Variants in EPPK1 observed in about 807,000 individuals in gnomAD.
EPPK1 encodes the protein epiplakin.
For synonymous variants in EPPK1, 1,862 were observed against 1,721.2 expected (o/e 1.08, Z -2.03); for missense variants, 3,823 against 3,673.3 (o/e 1.04, Z -1.05).
At position 143,871,630 on chromosome 8, in the gene EPPK1, C is replaced by T. The variant is rs781933116; in HGVS notation, c.1624G>A (p.Ala542Thr). 25 of 1,604,074 alleles carry T rather than the reference C, an allele frequency of 1.6e-5. No individual in the cohort carries two copies. In the South Asian group the frequency reaches 2.1e-4, roughly 14 times the overall value. ...QEGTLSVEKL[A>T]AKLSATLEQA... Reference sequence around the variant, plus strand: ...TCGAGGGTGGCGCTCAGCTTAGCGGCCAGCTTCTCCACGGAGAGGGTCCCT... The same window carrying T: ...TCGAGGGTGGCGCTCAGCTTAGCGGTCAGCTTCTCCACGGAGAGGGTCCCT... Residue 542 changes from alanine (A) to threonine (T), a missense_variant, in exon 2 of 2, where the codon GCC (alanine) becomes ACC (threonine). Physicochemically the swap from Ala to Thr is moderately conservative, Grantham distance 58. Coordinates refer to ENST00000615648, the MANE Select transcript of EPPK1 (RefSeq NM_031308.4).
chr8:143,871,295 G>C lies in EPPK1; in HGVS notation c.1959C>G (p.Ile653Met). The C allele has an allele frequency of 6.2e-7, 1 of 1,612,622 alleles. No homozygotes were observed. ...GCCCCTTGTTTGCTTTTGGGTCGAT[G>C]ATGAAGCCTGTGGCAGCTTGTGCCT... is the stretch of plus-strand genomic sequence containing the variant. ...LLEAQAATGF[I>M]IDPKANKGHS... is the part of the protein sequence containing the mutation. Residue 653 changes from isoleucine to methionine, a missense_variant, in exon 2 of 2, where the codon ATC (isoleucine) becomes ATG (methionine). Transcript: ENST00000615648.
In EPPK1 at chr8:143,872,884, C is replaced by G. The variant is rs1819403171; in HGVS notation, c.370G>C (p.Asp124His). The change falls in exon 2 of 2, where the codon GAC becomes CAC. Residue 124 changes from aspartate to histidine, a missense_variant. Transcript: ENST00000615648. ...GCCAGCTTCTCACCGCCGTAGGGGT[C>G]AGGATAGCCCGTAGTGGCACGCTCA... Reference protein sequence around the residue: ...AAERATTGYPDPYGGEKLALF... With the variant: ...AAERATTGYPHPYGGEKLALF... The G allele has an allele frequency of 6.3e-7, 1 of 1,598,246 alleles. No homozygotes were observed. Among genetic ancestry groups the G allele is most frequent in the Non-Finnish European group, 8.5e-7 (1 of 1,172,384 alleles).
Position 143,868,764 on chromosome 8 carries a change from G to T in EPPK1, c.4490C>A (p.Ala1497Asp), listed in dbSNP as rs964881215. 1 of 1,592,650 alleles carries T rather than the reference G, an allele frequency of 6.3e-7. No individual in the cohort carries two copies. Among genetic ancestry groups the T allele is most frequent in the Non-Finnish European group, 8.5e-7 (1 of 1,174,700 alleles). ...VALCRSGRAA[A>D]LRQVVSAVTT... Reference sequence around the variant, plus strand: ...GACTGCGCTGACCACCTGCCGCAGGGCCGCAGCCCTCCCAGACCGACAGAG... The same window carrying T: ...GACTGCGCTGACCACCTGCCGCAGGTCCGCAGCCCTCCCAGACCGACAGAG... Residue 1497 changes from alanine (A) to aspartate (D), a missense_variant, in exon 2 of 2, where the codon GCC becomes GAC. Physicochemically the swap from Ala to Asp is moderately radical, Grantham distance 126. Coordinates refer to ENST00000615648, the MANE Select transcript of EPPK1 (RefSeq NM_031308.4).
chr8:143,874,024 T>C (rs1455621793), intron 1 of EPPK1, among the ~76,000 whole-genome samples: 2 of 152,180 alleles, frequency 1.3e-5, no homozygotes, highest in Non-Finnish European at 2.9e-5. Context: ...GCCTCTGGGC[T>C]ATTGCCCCTC....
At chr8:143,876,761 G>C (rs553574087) in intron 1 of EPPK1, among the ~76,000 whole-genome samples, 1 of 152,364 alleles carries the variant, frequency 6.6e-6, no homozygotes, top group South Asian at 2.1e-4. Context: ...GGGCTTCTAG[G>C]GGGTCAGGGC....
Position 143,866,906 on chromosome 8 carries a change from TCTGAACCTTCCCA to T in EPPK1, c.6335_6347del (p.Val2112GlufsTer11). The T allele has an allele frequency of 6.2e-7, 1 of 1,613,120 alleles. No homozygotes were observed. Among genetic ancestry groups the T allele is most frequent in the Non-Finnish European group, 8.5e-7 (1 of 1,179,874 alleles). On this transcript the variant is annotated frameshift_variant, in exon 2 of 2. Transcript: ENST00000615648. LOFTEE classifies it low-confidence loss of function (END_TRUNC). ...GTGCCCACAGTGTTGGTTTCTGGCC[TCTGAACCTTCCCA>T]CTGTGATTTCCACTTGCTCTGCCTC...
At chr8:143,874,273 G>A (rs900831801) in intron 1 of EPPK1, among the ~76,000 whole-genome samples, 3 of 152,232 alleles carry the variant, frequency 2.0e-5, no homozygotes, top group African/African-American at 7.2e-5. Context: ...CCTCCACCCA[G>A]GCCTGTCCCC....
chr8:143,866,855 C>G lies in EPPK1; in HGVS notation c.6399G>C (p.Glu2133Asp). 6.2e-7 allele frequency: 1 copy of G among 1,613,358 alleles called. No homozygotes were observed. Among genetic ancestry groups the G allele is most frequent in the Non-Finnish European group, 8.5e-7 (1 of 1,179,868 alleles). ...TCCTCACCAGCTGGAGCTTCTTCTCCTCTGTCACGTATTCGGAATTCAGTA... is the reference window on the plus strand; with the variant it reads ...TCCTCACCAGCTGGAGCTTCTTCTCGTCTGTCACGTATTCGGAATTCAGTA... ...WALLNSEYVT[E>D]EKKLQLVRMY... Residue 2133 changes from glutamate (E) to aspartate (D), a missense_variant, in exon 2 of 2, where the codon GAG (glutamate) becomes GAC (aspartate). Glu to Asp is a conservative substitution (Grantham distance 45). Transcript: ENST00000615648.
In EPPK1 at chr8:143,871,466, C is replaced by T; in HGVS notation, c.1788G>A (p.Val596=). The stretch of plus-strand genomic sequence containing the variant: ...ACCTCTGCACCGAGGCCAGGCTGCC[C>T]ACATCCTTGGCTGTGGCCTGTCCAT... The part of the protein sequence containing the change: ...LEHGQATAKD[V]GSLASVQRYL... Residue 596 remains valine, a synonymous_variant, in exon 2 of 2, where the codon GTG becomes GTA. Coordinates refer to ENST00000615648, the MANE Select transcript of EPPK1 (RefSeq NM_031308.4). 1 of 1,608,366 alleles carries T rather than the reference C, an allele frequency of 6.2e-7. No homozygotes were observed. Among genetic ancestry groups the T allele is most frequent in the Non-Finnish European group, 8.5e-7 (1 of 1,178,388 alleles).
Position 143,867,067 on chromosome 8 carries a change from C to G in EPPK1, c.6187G>C (p.Val2063Leu). Residue 2063 changes from valine to leucine, a missense_variant, in exon 2 of 2, where the codon GTC becomes CTC. Coordinates refer to ENST00000615648, the MANE Select transcript of EPPK1 (RefSeq NM_031308.4). ...RFVDPNTQEK[V>L]SYRELQERCR... ...CTCTCCTGCAGCTCTCGGTACGAGA[C>G]CTTCTCTTGCGTGTTCGGGTCCACA... The G allele has an allele frequency of 6.2e-7, 1 of 1,612,920 alleles. No homozygotes were observed. The highest frequency in any genetic ancestry group is 8.5e-7 in the Non-Finnish European group (1 of 1,179,862).
Position 143,865,985 on chromosome 8 carries a change from G to C in EPPK1, c.7269C>G (p.Ala2423=). The C allele has an allele frequency of 7.4e-6, 1 of 135,850 alleles. No homozygotes were observed. The highest frequency in any genetic ancestry group is 4.3e-5 in the South Asian group (1 of 23,078). The allele number at this position is 135,850 out of a possible 1,614,324, so 8.4% of individuals were successfully genotyped here. The change falls in exon 2 of 2, where the codon GCC becomes GCG. Residue 2423 remains alanine, a synonymous_variant. Transcript: ENST00000615648. ...YMLQLAGRGS[A]VHQLSEELRC... ...GCAGCTCCTCGCTCAGCTGGTGCAC[G>C]GCGGAGCCCCGGCCTGCCAGCTGCA...
rs1442851164 is a variant in EPPK1, at chr8:143,866,447, G to A, written c.6807C>T (p.Thr2269=). The A allele has an allele frequency of 6.9e-5, 96 of 1,399,918 alleles. No homozygotes were observed. Among genetic ancestry groups the A allele is most frequent in the Middle Eastern group, 2.5e-4 (1 of 4,010 alleles). The allele number at this position is 1,399,918 out of a possible 1,614,324, so 86.7% of individuals were successfully genotyped here. A position where few individuals can be genotyped will look rare whatever the true frequency, so the allele number is the denominator to read the frequency against. The change falls in exon 2 of 2, where the codon ACC becomes ACT. Residue 2269 remains threonine, a synonymous_variant. Transcript: ENST00000615648. The stretch of plus-strand genomic sequence containing the variant: ...TGCGCACGGGGTCGATGACGAAGCC[G>A]GTGGCCGCCTGCGCCTCCAGCAGCA... ...ALVLLEAQAA[T]GFVIDPVRNL... is the part of the protein sequence containing the mutation.
Position 143,871,170 on chromosome 8 carries a change from T to C in EPPK1, c.2084A>G (p.Tyr695Cys), listed in dbSNP as rs1819334888. Residue 695 changes from tyrosine to cysteine, a missense_variant, in exon 2 of 2, where the codon TAC becomes TGC. Transcript: ENST00000615648. ...GAAGAGGGAGATCTGCTGCCCGGTG[T>C]AGGGGTCAGTGTAGCCAGTGACAGC... is the stretch of plus-strand genomic sequence containing the variant. ...ERAVTGYTDP[Y>C]TGQQISLFQA... The C allele has an allele frequency of 1.1e-5, 17 of 1,613,102 alleles. No homozygotes were observed. The highest frequency in any genetic ancestry group is 1.4e-5 in the Non-Finnish European group (17 of 1,179,994).
chr8:143,866,412 A>G lies in EPPK1; in HGVS notation c.6842T>C (p.Leu2281Pro), dbSNP rs1305377303. The G allele has an allele frequency of 1.7e-6, 2 of 1,161,636 alleles. No homozygotes were observed. The highest frequency in any genetic ancestry group is 2.3e-6 in the Non-Finnish European group (2 of 858,826). 72.0% of individuals were successfully genotyped at this position (1,161,636 alleles called of 1,614,324 possible). Residue 2281 changes from leucine to proline, a missense_variant, in exon 2 of 2, where the codon CTG (leucine) becomes CCG (proline). Transcript: ENST00000615648. ...CGCGGCCACGGCCTCCTCCACCGACAGCCTCAGGTTGCGCACGGGGTCGAT... is the reference window on the plus strand; with the variant it reads ...CGCGGCCACGGCCTCCTCCACCGACGGCCTCAGGTTGCGCACGGGGTCGAT... ...FVIDPVRNLR[L>P]SVEEAVAAGV... is the part of the protein sequence containing the mutation.
In EPPK1 at chr8:143,872,383, C is replaced by T; in HGVS notation, c.871G>A (p.Val291Ile). ...TTCTTGTGGCCTTCGGGCAGCAGGACAACCCCGGCCACGCTGCCGGTACCC... is the reference window on the plus strand; with the variant it reads ...TTCTTGTGGCCTTCGGGCAGCAGGATAACCCCGGCCACGCTGCCGGTACCC... ...LEGTGSVAGV[V>I]LLPEGHKKSF... The change falls in exon 2 of 2, where the codon GTC becomes ATC. Residue 291 changes from valine to isoleucine, a missense_variant. Val to Ile is a conservative substitution (Grantham distance 29). Coordinates refer to ENST00000615648, the MANE Select transcript of EPPK1 (RefSeq NM_031308.4). 3 of 1,603,862 alleles carry T rather than the reference C, an allele frequency of 1.9e-6. No homozygotes were observed. Among genetic ancestry groups the T allele is most frequent in the Non-Finnish European group, 2.5e-6 (3 of 1,179,362 alleles).
intron 1 of EPPK1, among the ~76,000 whole-genome samples, chr8:143,875,718 G>A (rs782696451): frequency 6.6e-6 from 1 of 152,268 alleles, no homozygotes; most frequent in Admixed American, 6.5e-5. Flanking sequence ...CGGGCCCGCT[G>A]GCCACATCAC....
At position 143,869,645 on chromosome 8, in the gene EPPK1, T is replaced by C; in HGVS notation, c.3609A>G (p.Val1203=). The change falls in exon 2 of 2, where the codon GTA becomes GTG. Residue 1203 remains valine (V), a synonymous_variant. Coordinates refer to ENST00000615648, the MANE Select transcript of EPPK1 (RefSeq NM_031308.4). ...CAGCATCCAGCAGCCAGACAGCGGG[T>C]ACCTCACCCCGTGGGCCGGGCACCA... ...RVMVPGPRGE[V]PAVWLLDAGI... 1 of 1,590,110 alleles carries C rather than the reference T, an allele frequency of 6.3e-7. No homozygotes were observed. Among genetic ancestry groups the C allele is most frequent in the Non-Finnish European group, 8.6e-7 (1 of 1,168,682 alleles).
chr8:143,866,178 A>T lies in EPPK1; in HGVS notation c.7076T>A (p.Val2359Glu). ...IDPVHSHRVP[V>E]DVAYRRGYFD... ...GTAGCCGCGCCGGTAGGCCACGTCC[A>T]CGGGCACGCGGTGGCTGTGCACGGG... The change falls in exon 2 of 2, where the codon GTG becomes GAG. Residue 2359 changes from valine to glutamate, a missense_variant. Transcript: ENST00000615648. 1 of 418,078 alleles carries T rather than the reference A, an allele frequency of 2.4e-6. No individual in the cohort carries two copies. The highest frequency in any genetic ancestry group is 8.1e-5 in the African/African-American group (1 of 12,294). The allele number at this position is 418,078 out of a possible 1,614,324, so 25.9% of individuals were successfully genotyped here.
At chr8:143,876,546 C>T (rs1454784168) in intron 1 of EPPK1, among the ~76,000 whole-genome samples, 4 of 152,176 alleles carry the variant, frequency 2.6e-5, no homozygotes, top group African/African-American at 9.7e-5. Context: ...CCTTCCCTTC[C>T]TGAGGCCATC....
Sources: gnomAD v4.1 joint callset for allele counts (sites outside exome capture counted in the v4.1 genomes callset) on GRCh38, gnomAD v4.1.1 for gene constraint, MANE v1.5 for transcripts, NCBI Gene and HGNC (gene_info 2026-07-23, HGNC 2026-07-21) for gene names.